STRN: variants seen among roughly 807,000 people sequenced by gnomAD.
The protein encoded by STRN is protein phosphatase 2 regulatory subunit B'''alpha.
In STRN, 53 loss-of-function variants were observed where a neutral mutation model predicts 96.3. The observed-to-expected ratio is 0.55, with a 90% CI of 0.44 to 0.69. The LOEUF is 0.69. Among genes scored for constraint, STRN ranks in the 30% least tolerant of loss-of-function variants. STRN has a pLI of 0.00. For synonymous variants in STRN, 428 were observed against 355.9 expected (o/e 1.20, Z -2.28); for missense variants, 987 against 963.9 (o/e 1.02, Z -0.32).
At chr2:36,880,949 C>T (rs970393762) in intron 9 of STRN, among the ~76,000 whole-genome samples, 1 of 152,130 alleles carries the variant, frequency 6.6e-6, no homozygotes, top group Admixed American at 6.6e-5. Flanking sequence ...ACTGATGAGG[C>T]AGAGCAATAA....
At chr2:36,899,968 AGTCTCCGCCTCCCAG>A (rs778701517) in intron 5 of STRN, among the ~76,000 whole-genome samples, 24 of 152,154 alleles carry the variant, frequency 1.6e-4, no homozygotes, top group Non-Finnish European at 1.3e-4. Flanking sequence ...AACTCACTCC[AGTCTCCGCCTCCCAG>A]GTTCATGCAA....
At position 36,845,380 on chromosome 2, in the gene STRN, C is replaced by A. The variant is rs1668040755; in HGVS notation, c.*4076G>T. 1 of 152,046 alleles carries A rather than the reference C, an allele frequency of 6.6e-6. No individual in the cohort carries two copies. The highest frequency in any genetic ancestry group is 2.4e-5 in the African/African-American group (1 of 41,406). The allele number at this position is 152,046 out of a possible 1,614,324, so 9.4% of individuals were successfully genotyped here. On this transcript the variant is annotated 3_prime_UTR_variant, in exon 18 of 18. Coordinates refer to ENST00000263918, the MANE Select transcript of STRN (RefSeq NM_003162.4). ...AGATTTTTTTTTAATTGCATCCAAC[C>A]ATCATTTCAGATGTCATAAAGATTT...
intron 13 of STRN, among the ~76,000 whole-genome samples, chr2:36,858,923 T>TG (rs1347405780): frequency 5.3e-5 from 8 of 152,256 alleles, no homozygotes; most frequent in African/African-American, 1.4e-4. Flanking sequence ...AGTGAGAACT[T>TG]GGAGAGTGAA....
In STRN at chr2:36,860,118, G is replaced by C. The variant is rs77803549; in HGVS notation, c.1669+1014C>G. ...AATTTACTTATTTGCTGAGGGGATGGAAAGGGAGCAAGGAGGGTAAGGCTT... is the reference window on the plus strand; with the variant it reads ...AATTTACTTATTTGCTGAGGGGATGCAAAGGGAGCAAGGAGGGTAAGGCTT... On this transcript the variant is annotated intron_variant, in intron 13 of 17. Coordinates refer to ENST00000263918, the MANE Select transcript of STRN (RefSeq NM_003162.4). Among the ~76,000 whole-genome samples, 828 of 152,300 alleles carry C rather than the reference G, an allele frequency of 5.4e-3. 14 individuals are homozygous for C. Among genetic ancestry groups the C allele is most frequent in the African/African-American group, 0.019 (801 of 41,562 alleles).
chr2:36,867,792 T>C (rs1264668936), intron 12 of STRN, 22 bp downstream of exon 12: 4 of 1,487,834 alleles, frequency 2.7e-6, no homozygotes, highest in Non-Finnish European at 9.1e-7. Flanking sequence ...CGGTTTAAAA[T>C]AAAGAAAAAA....
At chr2:36,941,706 C>T (rs1670848032) in intron 1 of STRN, among the ~76,000 whole-genome samples, 1 of 143,324 alleles carries the variant, frequency 7.0e-6, no homozygotes, top group Non-Finnish European at 1.5e-5. Context: ...CCTGCCACCC[C>T]ACCCAGCTAA....
chr2:36,917,306 G>C (rs1310400376), intron 2 of STRN, among the ~76,000 whole-genome samples: 1 of 151,694 alleles, frequency 6.6e-6, no homozygotes, highest in Non-Finnish European at 1.5e-5. Flanking sequence ...TGGATCACCA[G>C]AGGTCAGGAG....
At chr2:36,883,184 G>C (rs1198359633) in intron 9 of STRN, among the ~76,000 whole-genome samples, 2 of 152,162 alleles carry the variant, frequency 1.3e-5, no homozygotes, top group African/African-American at 2.4e-5. Flanking sequence ...GCCAGGCATG[G>C]TGGCTCATGC....
intron 11 of STRN, among the ~76,000 whole-genome samples, chr2:36,868,492 T>C (rs1278101526): frequency 6.6e-6 from 1 of 152,228 alleles, no homozygotes; most frequent in African/African-American, 2.4e-5. Flanking sequence ...ATACTGGCTA[T>C]GACTTTGATG....
At chr2:36,867,781 T>A in intron 12 of STRN, 33 bp downstream of exon 12, 2 of 1,406,954 alleles carry the variant, frequency 1.4e-6, no homozygotes, top group Non-Finnish European at 1.9e-6. Flanking sequence ...TACAGAGATA[T>A]CGGTTTAAAA....
At chr2:36,958,186 CTGGTAT>C in intron 1 of STRN, among the ~76,000 whole-genome samples, 1 of 152,110 alleles carries the variant, frequency 6.6e-6, no homozygotes, top group Admixed American at 6.6e-5. Context: ...TCCCAAAGTG[CTGGTAT>C]TACAAGCATG....
At chr2:36,929,425 C>G (rs1670511660) in intron 1 of STRN, among the ~76,000 whole-genome samples, 1 of 151,978 alleles carries the variant, frequency 6.6e-6, no homozygotes, top group African/African-American at 2.4e-5. Context: ...GCTCTGTCGC[C>G]CAGGCTGGAG....
At chr2:36,903,526 G>C (rs1215066414) in intron 4 of STRN, among the ~76,000 whole-genome samples, 1 of 152,144 alleles carries the variant, frequency 6.6e-6, no homozygotes, top group Non-Finnish European at 1.5e-5. Flanking sequence ...GTGGCAGTGG[G>C]AAGACCATGA....
At chr2:36,849,967 A>T (rs1290741158) in intron 16 of STRN, among the ~76,000 whole-genome samples, 167 bp from the exon 17 acceptor site, 1 of 152,196 alleles carries the variant, frequency 6.6e-6, no homozygotes, top group Non-Finnish European at 1.5e-5. Context: ...GCCTCTAGTC[A>T]TGGCAATGAT....
At position 36,884,030 on chromosome 2, in the gene STRN, T is replaced by A; in HGVS notation, c.1088A>T (p.Asp363Val). ...CTGCAATGAAGGAAGTTCATCAACA[T>A]CTCTCAAATTAGCAAGCATATCTTG... ...KLQDMLANLRDVDELPSLQPS... is the reference protein window; with the variant it reads ...KLQDMLANLRVVDELPSLQPS... The change falls in exon 9 of 18, where the codon GAT becomes GTT. Residue 363 changes from aspartate (D) to valine (V), a missense_variant. Transcript: ENST00000263918. 1 of 1,429,214 alleles carries A rather than the reference T, an allele frequency of 7.0e-7. No homozygotes were observed. The highest frequency in any genetic ancestry group is 9.2e-7 in the Non-Finnish European group (1 of 1,084,394). 88.5% of individuals were successfully genotyped at this position (1,429,214 alleles called of 1,614,324 possible). A position where few individuals can be genotyped will look rare whatever the true frequency, so the allele number is the denominator to read the frequency against.
At chr2:36,957,486 G>C (rs917654619) in intron 1 of STRN, among the ~76,000 whole-genome samples, 2 of 152,054 alleles carry the variant, frequency 1.3e-5, no homozygotes, top group African/African-American at 2.4e-5. Context: ...CACTCCGGAG[G>C]CTGAGGCACA....
intron 10 of STRN, among the ~76,000 whole-genome samples, chr2:36,874,730 A>C (rs866396998): frequency 9.4e-5 from 14 of 149,622 alleles, no homozygotes; most frequent in African/African-American, 2.5e-4. Context: ...AAAAAAAAAA[A>C]AAAAAAAAAA....
At chr2:36,943,815 A>C (rs899321155) in intron 1 of STRN, among the ~76,000 whole-genome samples, 1 of 150,976 alleles carries the variant, frequency 6.6e-6, no homozygotes, top group Non-Finnish European at 1.5e-5. Flanking sequence ...AAAAAAACCA[A>C]AACAGTTTAA....
chr2:36,853,833 TTTAAG>T (rs1423697749), intron 15 of STRN, among the ~76,000 whole-genome samples: 1 of 152,224 alleles, frequency 6.6e-6, no homozygotes, highest in Admixed American at 6.5e-5. Flanking sequence ...AAGAGACTAA[TTTAAG>T]TTTTCTTTAT....
Sources: allele counts gnomAD v4.1 joint callset (sites outside exome capture counted in the v4.1 genomes callset), GRCh38; gene constraint gnomAD v4.1.1; transcripts MANE v1.5; gene names NCBI Gene and HGNC (gene_info 2026-07-23, HGNC 2026-07-21).